Variants in USP9X observed in about 807,000 individuals in gnomAD.
USP9X encodes ubiquitin specific peptidase 9 X-linked, also known as ubiquitin carboxyl-terminal hydrolase 9X.
In USP9X, 7 loss-of-function variants were observed where a neutral mutation model predicts 190.3. The observed-to-expected ratio is 0.04, with a 90% CI of 0.02 to 0.07. The LOEUF (loss-of-function observed/expected upper bound fraction) is 0.07. Ranked by LOEUF, USP9X falls within the 10% of genes least tolerant of loss-of-function variation. The pLI, the probability that USP9X is intolerant of heterozygous loss-of-function variation, is 1.00. For missense variants in USP9X, 1,010 were observed against 1,916.9 expected (o/e 0.53, Z 8.83); for synonymous variants, 645 against 659.5 (o/e 0.98, Z 0.34).
chrX:41,113,525 ATGG>A (rs942009895), intron 1 of USP9X, among the ~76,000 whole-genome samples: 2 of 112,191 alleles, frequency 1.8e-5, no homozygotes, highest in Admixed American at 9.5e-5. Context: ...GTACTCTAAA[ATGG>A]TGGGCATTTT....
intron 21 of USP9X, among the ~76,000 whole-genome samples, chrX:41,179,685 A>G (rs767460099): frequency 8.9e-6 from 1 of 112,134 alleles, no homozygotes; most frequent in South Asian, 3.7e-4. Flanking sequence ...TACAGCAATG[A>G]GAAATCTGAA....
At chrX:41,209,370 G>T (rs2063138369) in intron 32 of USP9X, among the ~76,000 whole-genome samples, 1 of 110,280 alleles carries the variant, frequency 9.1e-6, no homozygotes, top group Non-Finnish European at 1.9e-5. Flanking sequence ...TGCAGAATGT[G>T]TTTTTTGATT....
At chrX:41,155,953 T>C (rs1218091799) in intron 14 of USP9X, among the ~76,000 whole-genome samples, 1 of 111,428 alleles carries the variant, frequency 9.0e-6, no homozygotes, top group Non-Finnish European at 1.9e-5. Context: ...AGGTCAAAAT[T>C]AGTAATGAAA....
intron 1 of USP9X, among the ~76,000 whole-genome samples, chrX:41,105,348 A>G (rs868309494): frequency 3.6e-4 from 40 of 111,914 alleles, no homozygotes; most frequent in Admixed American, 1.3e-3. Context: ...GGCAACCACT[A>G]TTCTACTTTG....
intron 13 of USP9X, among the ~76,000 whole-genome samples, chrX:41,152,064 T>C (rs1205874596): frequency 8.9e-6 from 1 of 112,421 alleles, no homozygotes; most frequent in Admixed American, 9.4e-5. Flanking sequence ...AGCTCTAGAT[T>C]ACTATGATTA....
chrX:41,188,250 AG>A, intron 25 of USP9X, 133 bp downstream of exon 25: 1 of 667,225 alleles, frequency 1.5e-6, no homozygotes, highest in Non-Finnish European at 2.1e-6. Context: ...ATTAATTGAT[AG>A]CTATGTTGAG....
At chrX:41,146,281 TGGTAACAAGCACTTTTTTCCCAA>T (rs1157947775) in intron 11 of USP9X, among the ~76,000 whole-genome samples, 5 of 112,302 alleles carry the variant, frequency 4.5e-5, no homozygotes, top group Non-Finnish European at 9.4e-5. Flanking sequence ...ACTTGTCATT[TGGTAACAAGCACTTTTTTCCCAA>T]GGTGTTGGTA....
At chrX:41,158,905 G>T (rs1191876247) in intron 14 of USP9X, among the ~76,000 whole-genome samples, 1 of 111,761 alleles carries the variant, frequency 8.9e-6, no homozygotes, top group Non-Finnish European at 1.9e-5. Flanking sequence ...ATATAGAAAG[G>T]CTCAAACTAG....
chrX:41,086,325 T>C (rs763859565), intron 1 of USP9X, among the ~76,000 whole-genome samples: 2 of 111,700 alleles, frequency 1.8e-5, no homozygotes, highest in African/African-American at 6.5e-5. Context: ...CGAGAGCGTG[T>C]CTGTGTGTTT....
chrX:41,205,307 A>G lies in USP9X; in HGVS notation c.4829A>G (p.Asn1610Ser), dbSNP rs1569193411. Reference sequence around the variant, plus strand: ...GTGACATTTTTTGGTTTCTAGAGCAATGTTGATCCCAGGGATGATGTATTT... The same window carrying G: ...GTGACATTTTTTGGTTTCTAGAGCAGTGTTGATCCCAGGGATGATGTATTT... ...SGDEKQDNES[N>S]VDPRDDVFGY... The change falls in exon 32 of 45, where the codon AAT (asparagine) becomes AGT (serine). Residue 1610 changes from asparagine (N) to serine (S), a missense_variant. Transcript: ENST00000378308. 4.2e-6 allele frequency: 5 copies of G among 1,179,131 alleles called. No individual in the cohort carries two copies. The highest frequency in any genetic ancestry group is 2.3e-6 in the Non-Finnish European group (2 of 880,335).
intron 14 of USP9X, among the ~76,000 whole-genome samples, chrX:41,154,075 T>G (rs1336219111): frequency 2.7e-5 from 3 of 111,875 alleles, no homozygotes; most frequent in African/African-American, 9.7e-5. Flanking sequence ...AACATAAAAA[T>G]TAAGTAACTC....
At chrX:41,087,947 G>A (rs1474163443) in intron 1 of USP9X, among the ~76,000 whole-genome samples, 1 of 111,826 alleles carries the variant, frequency 8.9e-6, no homozygotes, top group Non-Finnish European at 1.9e-5. Context: ...CCTTTCACCA[G>A]GTTATTGGGG....
At chrX:41,202,912 C>T (rs1184761381) in intron 31 of USP9X, among the ~76,000 whole-genome samples, 1 of 111,482 alleles carries the variant, frequency 9.0e-6, no homozygotes, top group African/African-American at 3.3e-5. Context: ...GTCTCTGCAC[C>T]CCAGTGTACT....
intron 16 of USP9X, chrX:41,167,178 C>T (rs1399199178): frequency 5.5e-6 from 1 of 182,160 alleles, no homozygotes; most frequent in African/African-American, 3.2e-5. Flanking sequence ...TGAATTTCTT[C>T]TTGAGTGTCT....
Position 41,218,569 on chromosome X carries a change from C to T in USP9X, c.6407C>T (p.Pro2136Leu). 8.3e-7 allele frequency: 1 copy of T among 1,211,169 alleles called. No homozygotes were observed. The highest frequency in any genetic ancestry group is 1.1e-6 in the Non-Finnish European group (1 of 895,053). ...FSLQDGPCPS[P>L]FASPGPSSQA... The stretch of plus-strand genomic sequence containing the variant: ...TTGCAAGATGGGCCATGTCCTTCAC[C>T]TTTTGCCTCTCCTGGACCTTCTAGT... The change falls in exon 37 of 45, where the codon CCT becomes CTT. Residue 2136 changes from proline (P) to leucine (L), a missense_variant. Pro to Leu is a moderately conservative substitution (Grantham distance 98). Around this residue, in one of 11 missense-constraint regions of USP9X, gnomAD observed 121 missense variants for 281.2 expected, o/e 0.43. Transcript: ENST00000378308.
At chrX:41,115,222 A>C (rs79101157) in intron 1 of USP9X, among the ~76,000 whole-genome samples, 1 of 73,456 alleles carries the variant, frequency 1.4e-5, no homozygotes, top group African/African-American at 4.2e-5. Flanking sequence ...CTCCGTCTCC[A>C]AAAAAAAAAA....
chrX:41,184,700 T>A (rs753367892), intron 23 of USP9X, 25 bp downstream of exon 23: 4 of 1,156,606 alleles, frequency 3.5e-6, no homozygotes, highest in Non-Finnish European at 4.7e-6. Flanking sequence ...TTAAAAATCC[T>A]TTTATAATAG....
rs1193684660 is a variant in USP9X at position 41,129,107 on chromosome X, A to G, written c.204A>G (p.Pro68=). 2 of 1,211,236 alleles carry G rather than the reference A, an allele frequency of 1.7e-6. No homozygotes were observed. The highest frequency in any genetic ancestry group is 3.0e-5 in the East Asian group (1 of 33,834). ...PQLEDEEPAF[P]HTDLAKLDDM... is the part of the protein sequence containing the mutation. Reference sequence around the variant, plus strand: ...TTGAAGATGAGGAACCTGCATTTCCACATACTGACTTGGCCAAGTTGGATG... The same window carrying G: ...TTGAAGATGAGGAACCTGCATTTCCGCATACTGACTTGGCCAAGTTGGATG... Residue 68 remains proline, a synonymous_variant, in exon 3 of 45, where the codon CCA becomes CCG. Coordinates refer to ENST00000378308, the MANE Select transcript of USP9X (RefSeq NM_001039591.3).
intron 10 of USP9X, among the ~76,000 whole-genome samples, chrX:41,143,694 A>G (rs2062441157): frequency 1.8e-5 from 2 of 112,175 alleles, no homozygotes; most frequent in Non-Finnish European, 3.8e-5. Flanking sequence ...GCAAACAGTA[A>G]AATCATAAGG....
Sources: allele counts gnomAD v4.1 joint callset (sites outside exome capture counted in the v4.1 genomes callset), GRCh38; gene constraint gnomAD v4.1.1; regional missense constraint gnomAD v4.1.1; transcripts MANE v1.5; gene names NCBI Gene and HGNC (gene_info 2026-07-23, HGNC 2026-07-21).